The following C12orf42 variants were observed in gnomAD, a reference collection of about 807,000 sequenced individuals.
The protein encoded by C12orf42 is uncharacterized protein C12orf42.
A neutral mutation model predicts 21.6 loss-of-function variants in C12orf42; 25 were observed. The observed-to-expected ratio is 1.16, with a 90% CI of 0.84 to 1.62. The LOEUF (loss-of-function observed/expected upper bound fraction) is 1.62. Ranked by LOEUF, C12orf42 falls within the 40% of genes most tolerant of loss-of-function variation. The probability of loss-of-function intolerance (pLI) is 0.00; values close to 1 mark genes in which losing one functional copy is unlikely to be tolerated. For missense variants in C12orf42, 483 were observed against 459.3 expected (o/e 1.05, Z -0.47); for synonymous variants, 174 against 175.0 (o/e 0.99, Z 0.05).
the C12orf42 span, among the ~76,000 whole-genome samples, chr12:103,228,729 A>AT: frequency 2.6e-5 from 4 of 151,798 alleles, no homozygotes; most frequent in Non-Finnish European, 5.9e-5. Context: ...ATTTTACTAC[A>AT]TTTTTTTCTA....
chr12:103,227,824 G>A, the C12orf42 span, among the ~76,000 whole-genome samples: 14 of 152,274 alleles, frequency 9.2e-5, no homozygotes, highest in African/African-American at 3.1e-4. Flanking sequence ...CGGATAAAAT[G>A]TGTCTCCTTT....
chr12:103,194,661 A>T, the C12orf42 span, among the ~76,000 whole-genome samples: 2 of 152,308 alleles, frequency 1.3e-5, no homozygotes, highest in South Asian at 4.1e-4. Flanking sequence ...CACTTATGAA[A>T]ACAATTAAAG....
At chr12:103,250,144 T>C (rs1030010785) in intron 10 of C12orf42, among the ~76,000 whole-genome samples, 6 of 152,066 alleles carry the variant, frequency 3.9e-5, no homozygotes, top group Non-Finnish European at 8.8e-5. Flanking sequence ...GTTTTACTTC[T>C]TGGAATGTCG....
the C12orf42 span, among the ~76,000 whole-genome samples, chr12:103,556,493 C>T: frequency 3.9e-5 from 6 of 152,130 alleles, no homozygotes; most frequent in African/African-American, 9.7e-5. Context: ...GCTGCTTCCT[C>T]GGTATGTAAA....
intron 4 of C12orf42, among the ~76,000 whole-genome samples, chr12:103,323,752 A>G (rs562603922): frequency 1.6e-4 from 24 of 152,196 alleles, no homozygotes; most frequent in Non-Finnish European, 3.4e-4. Context: ...TTTGGAATTC[A>G]AATTTAAAAT....
At chr12:103,449,809 A>AG (rs1303989518) in intron 2 of C12orf42, among the ~76,000 whole-genome samples, 4 of 151,498 alleles carry the variant, frequency 2.6e-5, no homozygotes, top group African/African-American at 2.4e-5. Context: ...CCATTTGAAA[A>AG]AAAAAAAAAA....
the C12orf42 span, among the ~76,000 whole-genome samples, chr12:103,098,836 C>T: frequency 6.6e-6 from 1 of 152,334 alleles, no homozygotes; most frequent in African/African-American, 2.4e-5. Context: ...GACTGCAAAA[C>T]CATCATGCTA....
chr12:103,167,879 CGTGT>C, the C12orf42 span, among the ~76,000 whole-genome samples: 45,367 of 133,894 alleles, frequency 0.34, 7,305 homozygotes, highest in Non-Finnish European at 0.4. Flanking sequence ...GAGGGGTGGG[CGTGT>C]GTGTGTGTGT....
chr12:103,517,515 A>G, the C12orf42 span, among the ~76,000 whole-genome samples: 1 of 152,234 alleles, frequency 6.6e-6, no homozygotes, highest in African/African-American at 2.4e-5. Context: ...GAGTGGCAGG[A>G]GCCACCTGAT....
At chr12:103,185,515 C>A in the C12orf42 span, among the ~76,000 whole-genome samples, 1 of 151,930 alleles carries the variant, frequency 6.6e-6, no homozygotes, top group South Asian at 2.1e-4. Context: ...CTCTTTCCTT[C>A]TTTCCTTCTT....
At chr12:103,393,055 A>G (rs779374139) in intron 3 of C12orf42, among the ~76,000 whole-genome samples, 44 of 152,184 alleles carry the variant, frequency 2.9e-4, no homozygotes, top group Non-Finnish European at 4.4e-4. Context: ...AAAGCATCCA[A>G]AGTTATTTTT....
At chr12:103,048,029 C>A in the C12orf42 span, among the ~76,000 whole-genome samples, 1 of 142,428 alleles carries the variant, frequency 7.0e-6, no homozygotes, top group African/African-American at 2.6e-5. Flanking sequence ...ACAAAGGAGC[C>A]TTTTACCAGG....
the C12orf42 span, among the ~76,000 whole-genome samples, chr12:103,191,434 G>T: frequency 6.6e-6 from 1 of 150,784 alleles, no homozygotes; most frequent in Non-Finnish European, 1.5e-5. Context: ...CAGGCTGGGT[G>T]CAGTGGCTCA....
At chr12:103,400,246 A>G (rs1439284089) in intron 3 of C12orf42, among the ~76,000 whole-genome samples, 1 of 152,192 alleles carries the variant, frequency 6.6e-6, no homozygotes, top group African/African-American at 2.4e-5. Flanking sequence ...AAGGAGTGGC[A>G]CCCAGGGGGC....
chr12:103,543,089 T>A, the C12orf42 span, among the ~76,000 whole-genome samples: 1 of 152,162 alleles, frequency 6.6e-6, no homozygotes, highest in Admixed American at 6.5e-5. Context: ...ACAACCAGGC[T>A]GTGGTTGAGA....
chr12:103,130,855 G>T, the C12orf42 span, among the ~76,000 whole-genome samples: 3 of 152,206 alleles, frequency 2.0e-5, no homozygotes, highest in Non-Finnish European at 2.9e-5. Flanking sequence ...GCTGGCAGCT[G>T]AAGAAAACCT....
the C12orf42 span, chr12:103,167,898 GTGTGTGTGTGTGTGTT>G: frequency 1.5e-3 from 501 of 344,348 alleles, 3 homozygotes; most frequent in Admixed American, 2.7e-3. Context: ...GTGTGTGTGT[GTGTGTGTGTGTGTGTT>G]TGTGTCTGTG....
At chr12:103,427,781 A>T (rs1433703876) in intron 2 of C12orf42, among the ~76,000 whole-genome samples, 1 of 152,210 alleles carries the variant, frequency 6.6e-6, no homozygotes, top group Non-Finnish European at 1.5e-5. Flanking sequence ...AGTCTCTCAG[A>T]CCACAGTGCA....
chr12:103,482,587 GT>G (rs1394085389), intron 1 of C12orf42, among the ~76,000 whole-genome samples: 1 of 151,964 alleles, frequency 6.6e-6, no homozygotes, highest in East Asian at 1.9e-4. Context: ...GATGTGAATT[GT>G]TTTTTATGCG....
Sources: allele counts gnomAD v4.1 joint callset (sites outside exome capture counted in the v4.1 genomes callset), GRCh38; gene constraint gnomAD v4.1.1; transcripts MANE v1.5; gene names NCBI Gene and HGNC (gene_info 2026-07-23, HGNC 2026-07-21).